The following PEAK1 variants were observed in gnomAD, a reference collection of about 807,000 sequenced individuals.
PEAK1 encodes the protein pseudopodium enriched atypical kinase 1, also known as inactive tyrosine-protein kinase PEAK1.
In PEAK1, 54 loss-of-function variants were observed where a neutral mutation model predicts 124.7. The observed-to-expected ratio is 0.43, with a 90% CI of 0.35 to 0.54. The LOEUF is 0.54. PEAK1 is among the 20% of genes least tolerant of loss of function. PEAK1 has a pLI of 0.01. For synonymous variants in PEAK1, 719 were observed against 760.0 expected (o/e 0.95, Z 0.89); for missense variants, 2,046 against 2,134.5 (o/e 0.96, Z 0.82).
chr15:77,180,261 C>T lies in PEAK1; in HGVS notation c.1666G>A (p.Gly556Arg). The change falls in exon 7 of 10, where the codon GGA becomes AGA. Residue 556 changes from glycine (G) to arginine (R), a missense_variant. Physicochemically the swap from Gly to Arg is moderately radical, Grantham distance 125. Coordinates refer to ENST00000682557, the MANE Select transcript of PEAK1 (RefSeq NM_001385026.1). ...TTTTTCCTTGGAGGAACATTTGGTC[C>T]AGTTCCACTAGTAATTAGTTCTACT... ...PKVELITSGT[G>R]PNVPPRKNCH... 1.2e-6 allele frequency: 2 copies of T among 1,614,150 alleles called. No homozygotes were observed. Among genetic ancestry groups the T allele is most frequent in the Non-Finnish European group, 1.7e-6 (2 of 1,180,020 alleles).
Position 77,111,467 on chromosome 15 carries a change from A to C in PEAK1, c.*2689T>G, listed in dbSNP as rs2050971351. The C allele has an allele frequency of 6.6e-6, 1 of 152,070 alleles. No homozygotes were observed. The highest frequency in any genetic ancestry group is 1.5e-5 in the Non-Finnish European group (1 of 68,012). 9.4% of individuals were successfully genotyped at this position (152,070 alleles called of 1,614,324 possible). A position where few individuals can be genotyped will look rare whatever the true frequency, so the allele number is the denominator to read the frequency against. On this transcript the variant is annotated 3_prime_UTR_variant, in exon 10 of 10. Coordinates refer to ENST00000682557, the MANE Select transcript of PEAK1 (RefSeq NM_001385026.1). ...ACCTGTAACACCCCCTTCCCTCTCT[A>C]TCTCACATTCTTTGGCCATCACCCA...
intron 1 of PEAK1, chr15:77,418,044 G>A (rs947315307): frequency 1.4e-5 from 14 of 981,914 alleles, no homozygotes; most frequent in Non-Finnish European, 1.6e-5. Flanking sequence ...AAACAGTTAT[G>A]AAGTGGCATT....
At chr15:77,396,754 T>C (rs1325309726) in intron 1 of PEAK1, among the ~76,000 whole-genome samples, 1 of 151,998 alleles carries the variant, frequency 6.6e-6, no homozygotes, top group Non-Finnish European at 1.5e-5. Flanking sequence ...TACCCAACAC[T>C]GGAGGACCCA....
chr15:77,403,074 T>C, intron 1 of PEAK1: 2 of 985,250 alleles, frequency 2.0e-6, no homozygotes, highest in Non-Finnish European at 2.4e-6. Context: ...GGAGTTTCTC[T>C]CATCATTATA....
At chr15:77,178,661 A>G in intron 7 of PEAK1, 129 bp downstream of exon 7, 1 of 865,586 alleles carries the variant, frequency 1.2e-6, no homozygotes, top group Non-Finnish European at 1.7e-6. Flanking sequence ...AGTTATAAAG[A>G]TAGATGATGG....
intron 2 of PEAK1, among the ~76,000 whole-genome samples, chr15:77,317,636 C>T (rs1328630980): frequency 6.6e-6 from 1 of 152,180 alleles, no homozygotes; most frequent in African/African-American, 2.4e-5. Context: ...GGTCTCCTGA[C>T]TCTCAGTCTT....
chr15:77,114,211 G>A lies in PEAK1; in HGVS notation c.5186C>T (p.Ala1729Val), dbSNP rs778827709. ...ACTGAGGGAGTCTGTAGTGGCAAAA[G>A]CCAAATACTGAGCACAAAGCCAGTC... ...LEDWLCAQYL[A>V]FATTDSLSCI... is the part of the protein sequence containing the mutation. The change falls in exon 10 of 10, where the codon GCT (alanine) becomes GTT (valine). Residue 1729 changes from alanine (A) to valine (V), a missense_variant. By Grantham distance (64) the Ala-to-Val change is moderately conservative (BLOSUM62 0). Coordinates refer to ENST00000682557, the MANE Select transcript of PEAK1 (RefSeq NM_001385026.1). 1.2e-6 allele frequency: 2 copies of A among 1,614,228 alleles called. No homozygotes were observed. The highest frequency in any genetic ancestry group is 2.2e-5 in the South Asian group (2 of 91,084).
chr15:77,122,591 G>A (rs538914124), intron 9 of PEAK1, among the ~76,000 whole-genome samples: 1 of 151,984 alleles, frequency 6.6e-6, no homozygotes, highest in African/African-American at 2.4e-5. Flanking sequence ...TTTCCCACCA[G>A]ACAACTCATT....
chr15:77,332,155 T>A, intron 2 of PEAK1: 1 of 937,732 alleles, frequency 1.1e-6, no homozygotes, highest in Non-Finnish European at 1.3e-6. Flanking sequence ...TAAAAATAAG[T>A]TGCTTTAGAG....
At chr15:77,292,631 A>C (rs2063282050) in intron 2 of PEAK1, among the ~76,000 whole-genome samples, 1 of 152,164 alleles carries the variant, frequency 6.6e-6, no homozygotes, top group South Asian at 2.1e-4. Flanking sequence ...GAGAATTTGC[A>C]CATCAGGTGA....
At chr15:77,381,199 G>A in intron 1 of PEAK1, 27 of 980,062 alleles carry the variant, frequency 2.8e-5, no homozygotes, top group Non-Finnish European at 3.3e-5. Flanking sequence ...TAGGACTACA[G>A]TTGGGAGACA....
intron 2 of PEAK1, among the ~76,000 whole-genome samples, chr15:77,362,408 CATA>C (rs2067950524): frequency 2.6e-5 from 4 of 151,600 alleles, no homozygotes; most frequent in Admixed American, 2.6e-4. Context: ...TTAAAAAGTT[CATA>C]ATAAGTCACT....
At position 77,158,491 on chromosome 15, in the gene PEAK1, A is replaced by T. The variant is rs1308027869; in HGVS notation, c.3331+12T>A. 2 of 1,611,042 alleles carry T rather than the reference A, an allele frequency of 1.2e-6. No homozygotes were observed. Among genetic ancestry groups the T allele is most frequent in the Non-Finnish European group, 1.7e-6 (2 of 1,177,396 alleles). On this transcript the variant is annotated intron_variant, in intron 8 of 9. Coordinates refer to ENST00000682557, the MANE Select transcript of PEAK1 (RefSeq NM_001385026.1). ...AAAGTTTAAATACTACTTATTGGAC[A>T]TTTGCACTTACCTAAGTTGCTGTAT...
At chr15:77,321,433 T>A (rs910336005) in intron 2 of PEAK1, among the ~76,000 whole-genome samples, 1 of 152,258 alleles carries the variant, frequency 6.6e-6, no homozygotes, top group African/African-American at 2.4e-5. Context: ...TTTTTTCATG[T>A]GTCTTTTGGC....
intron 2 of PEAK1, among the ~76,000 whole-genome samples, chr15:77,299,536 G>A (rs2063682312): frequency 6.6e-6 from 1 of 152,024 alleles, no homozygotes; most frequent in Non-Finnish European, 1.5e-5. Context: ...CATCCAATAG[G>A]GTATTATGAG....
At chr15:77,193,136 T>C (rs1424261713) in intron 6 of PEAK1, among the ~76,000 whole-genome samples, 1 of 152,184 alleles carries the variant, frequency 6.6e-6, no homozygotes, top group Non-Finnish European at 1.5e-5. Flanking sequence ...AAGAGACAAA[T>C]GAAGTTGGAG....
At chr15:77,332,550 A>C (rs2065955118) in intron 2 of PEAK1, among the ~76,000 whole-genome samples, 1 of 152,148 alleles carries the variant, frequency 6.6e-6, no homozygotes. Context: ...CAGTGAGCCA[A>C]GATTGCACCA....
intron 9 of PEAK1, among the ~76,000 whole-genome samples, chr15:77,123,747 A>G (rs2052126584): frequency 6.6e-6 from 1 of 152,224 alleles, no homozygotes; most frequent in Non-Finnish European, 1.5e-5. Context: ...TTTTATTTAG[A>G]GAACAGGGAA....
Position 77,114,267 on chromosome 15 carries a change from G to A in PEAK1, c.5130C>T (p.Ser1710=). ...GGCTGATTCCACCTTCCCTGTCCAG[G>A]GACTTCTCAGCAAACTTGATCATGA... ...TLLMIKFAEK[S]LDREGGISLE... The change falls in exon 10 of 10, where the codon TCC becomes TCT. Residue 1710 remains serine, a synonymous_variant. Coordinates refer to ENST00000682557, the MANE Select transcript of PEAK1 (RefSeq NM_001385026.1). The A allele has an allele frequency of 6.2e-7, 1 of 1,614,182 alleles. No individual in the cohort carries two copies. Among genetic ancestry groups the A allele is most frequent in the Non-Finnish European group, 8.5e-7 (1 of 1,180,032 alleles).
Sources: allele counts gnomAD v4.1 joint callset (sites outside exome capture counted in the v4.1 genomes callset), GRCh38; gene constraint gnomAD v4.1.1; transcripts MANE v1.5; gene names NCBI Gene and HGNC (gene_info 2026-07-23, HGNC 2026-07-21).